PODXL: variants seen among roughly 807,000 people sequenced by gnomAD.
PODXL encodes podocalyxin.
PODXL carries 20 observed loss-of-function variants against 48.9 expected under a neutral mutation model. The observed-to-expected ratio is 0.41, with a 90% CI of 0.29 to 0.59. The LOEUF (loss-of-function observed/expected upper bound fraction) is 0.59, where lower values mean the gene tolerates loss of function less well. PODXL is among the 20% of genes least tolerant of loss of function. PODXL has a pLI of 0.31. For synonymous variants in PODXL, 295 were observed against 287.4 expected, an observed-to-expected ratio of 1.03 and a Z score of -0.27; for missense variants, 606 against 675.1, an observed-to-expected ratio of 0.90 and a Z score of 1.13.
intron 1 of PODXL, chr7:131,520,393 TTGTC>T: frequency 2.5e-6 from 1 of 396,468 alleles, no homozygotes; most frequent in Non-Finnish European, 4.8e-6. Flanking sequence ...CCCTGTGCGG[TTGTC>T]CAGGAAACAG....
At position 131,504,299 on chromosome 7, in the gene PODXL, C is replaced by G; in HGVS notation, c.*12G>C. ...GCTCTGTGGTGCTGCTGGAGGCCAC[C>G]GGCAGACCGGACTAGAGGTGTGTGT... On this transcript the variant is annotated 3_prime_UTR_variant, in exon 9 of 9. Transcript: ENST00000378555. 1 of 1,612,664 alleles carries G rather than the reference C, an allele frequency of 6.2e-7. No homozygotes were observed. Among genetic ancestry groups the G allele is most frequent in the Non-Finnish European group, 8.5e-7 (1 of 1,179,030 alleles).
intron 3 of PODXL, 114 bp downstream of exon 3, chr7:131,510,122 G>T (rs1242140678): frequency 2.5e-6 from 1 of 396,600 alleles, no homozygotes; most frequent in African/African-American, 2.1e-5. Context: ...TGATCCTAAG[G>T]CTCTTGATCC....
At position 131,506,154 on chromosome 7, in the gene PODXL, A is replaced by G. The variant is rs982346375; in HGVS notation, c.1311+106T>C. 3.7e-5 allele frequency: 57 copies of G among 1,539,242 alleles called. No individual in the cohort carries two copies. The African/African-American group carries it at 6.4e-4, about 17-fold the overall frequency. ...GGTCCGTGCCGCCGCCCTCTTCTAC[A>G]TGCAGGCACATGACGGGGTTCCTCC... On this transcript the variant is annotated intron_variant, in intron 7 of 8. Transcript: ENST00000378555.
intron 1 of PODXL, among the ~76,000 whole-genome samples, chr7:131,528,493 G>A (rs958956590): frequency 3.3e-5 from 5 of 152,180 alleles, no homozygotes; most frequent in Non-Finnish European, 5.9e-5. Context: ...TCCAGCCCCT[G>A]AGTTCCTGAT....
At chr7:131,507,031 G>A (rs1643264) in intron 5 of PODXL, 33,171 of 320,416 alleles carry the variant, frequency 0.1, 3,085 homozygotes, top group African/African-American at 0.31. Context: ...CCTCCAAGCT[G>A]TTTGCGGATT....
chr7:131,506,097 A>C, intron 7 of PODXL, 62 bp from the exon 8 acceptor site: 2 of 1,574,478 alleles, frequency 1.3e-6, no homozygotes, highest in Middle Eastern at 1.7e-4. Flanking sequence ...CCCCGGCTTC[A>C]CTGTAGAGCC....
At chr7:131,542,291 G>C (rs1798496092) in intron 1 of PODXL, among the ~76,000 whole-genome samples, 1 of 152,210 alleles carries the variant, frequency 6.6e-6, no homozygotes, top group Non-Finnish European at 1.5e-5. Flanking sequence ...GGTGGGTGCA[G>C]AGGCCCAGAT....
chr7:131,555,901 TGTA>T (rs1798734000), intron 1 of PODXL, among the ~76,000 whole-genome samples: 1 of 152,120 alleles, frequency 6.6e-6, no homozygotes, highest in South Asian at 2.1e-4. Context: ...GAAGGAAAGG[TGTA>T]ATCAGATCCC....
At chr7:131,520,197 AC>A in intron 1 of PODXL, 2 of 325,258 alleles carry the variant, frequency 6.1e-6, no homozygotes, top group South Asian at 6.3e-5. Context: ...CGAGGTGGTG[AC>A]CCGAGAATGC....
intron 1 of PODXL, among the ~76,000 whole-genome samples, chr7:131,515,250 T>C (rs929658821): frequency 6.6e-6 from 1 of 152,190 alleles, no homozygotes; most frequent in Admixed American, 6.5e-5. Context: ...CCAGAGACTT[T>C]CCAAGAACAC....
At chr7:131,552,188 C>T (rs994550132) in intron 1 of PODXL, among the ~76,000 whole-genome samples, 6 of 152,184 alleles carry the variant, frequency 3.9e-5, no homozygotes, top group Admixed American at 3.3e-4. Context: ...GTATCCCAAG[C>T]GACCGCTCAG....
chr7:131,523,476 A>G (rs1214144184), intron 1 of PODXL, among the ~76,000 whole-genome samples: 2 of 151,866 alleles, frequency 1.3e-5, no homozygotes, highest in Admixed American at 1.3e-4. Context: ...AGGTCAGGAG[A>G]TCGAGACCAT....
chr7:131,517,824 C>T (rs982882309), intron 1 of PODXL, among the ~76,000 whole-genome samples: 27 of 152,186 alleles, frequency 1.8e-4, no homozygotes, highest in African/African-American at 6.3e-4. Flanking sequence ...CTGCAACCTC[C>T]GCTTTGTGGG....
intron 1 of PODXL, among the ~76,000 whole-genome samples, chr7:131,541,282 G>A (rs530926549): frequency 3.8e-4 from 57 of 151,952 alleles, no homozygotes; most frequent in African/African-American, 1.0e-3. Context: ...CAGAGCACAC[G>A]ATCCGAATTT....
At chr7:131,530,531 G>T (rs1180687507) in intron 1 of PODXL, among the ~76,000 whole-genome samples, 3 of 151,980 alleles carry the variant, frequency 2.0e-5, no homozygotes, top group African/African-American at 7.3e-5. Context: ...AATCACTTGA[G>T]CCCAGGAGTT....
intron 1 of PODXL, among the ~76,000 whole-genome samples, chr7:131,537,120 T>C (rs1468180165): frequency 2.0e-5 from 3 of 151,984 alleles, no homozygotes; most frequent in Non-Finnish European, 4.4e-5. Flanking sequence ...AGTGAGACCC[T>C]GTATATATGT....
intron 8 of PODXL, among the ~76,000 whole-genome samples, chr7:131,504,831 C>T (rs917773694): frequency 3.9e-4 from 60 of 152,330 alleles, no homozygotes; most frequent in African/African-American, 1.3e-3. Flanking sequence ...CAGGCACCTA[C>T]CTCACCTATC....
intron 1 of PODXL, among the ~76,000 whole-genome samples, chr7:131,524,361 C>CAT (rs1798139537): frequency 2.4e-5 from 1 of 40,952 alleles, no homozygotes; most frequent in Non-Finnish European, 4.8e-5. Context: ...CACACACACA[C>CAT]GCACACACAC....
intron 1 of PODXL, among the ~76,000 whole-genome samples, chr7:131,544,625 G>A (rs539488718): frequency 1.3e-5 from 2 of 151,882 alleles, no homozygotes; most frequent in East Asian, 3.9e-4. Flanking sequence ...TGGGGAGGGA[G>A]CAGCAGGGCC....
Sources: gnomAD v4.1 joint callset for allele counts (sites outside exome capture counted in the v4.1 genomes callset) on GRCh38, gnomAD v4.1.1 for gene constraint, MANE v1.5 for transcripts, NCBI Gene and HGNC (gene_info 2026-07-23, HGNC 2026-07-21) for gene names.